HSD3B7: variants seen among roughly 807,000 people sequenced by gnomAD.
HSD3B7 encodes 3 beta-hydroxysteroid dehydrogenase type 7.
HSD3B7 carries 35 observed loss-of-function variants against 34.3 expected under a neutral mutation model. The ratio of observed to expected loss-of-function variants is 1.02; its 90% CI spans 0.78 to 1.35. The LOEUF (loss-of-function observed/expected upper bound fraction) is 1.35. Ranked by LOEUF, HSD3B7 falls within the 40% of genes most tolerant of loss-of-function variation. The pLI is 0.00. For missense variants in HSD3B7, 426 were observed against 504.7 expected, an observed-to-expected ratio of 0.84 and a Z score of 1.49; for synonymous variants, 217 against 220.1, an observed-to-expected ratio of 0.99 and a Z score of 0.13.
intron 6 of HSD3B7, chr16:30,987,340 A>G (rs1334150967): frequency 7.1e-6 from 3 of 423,894 alleles, no homozygotes; most frequent in South Asian, 2.4e-5. Flanking sequence ...CCAGCACTTT[A>G]GGAGGCTGAG....
At chr16:30,987,565 C>T (rs2056501459) in intron 6 of HSD3B7, 1 of 641,368 alleles carries the variant, frequency 1.6e-6, no homozygotes, top group Non-Finnish European at 2.8e-6. Flanking sequence ...TCTATCCTCT[C>T]CCCAGGTTCT....
chr16:30,987,353 G>A (rs1172662125), intron 6 of HSD3B7: 24 of 420,508 alleles, frequency 5.7e-5, no homozygotes, highest in Non-Finnish European at 2.2e-5. Flanking sequence ...AGGCTGAGGC[G>A]GGAGGATGGC....
rs1367508254 is a variant in HSD3B7 at position 30,988,443 on chromosome 16, C to T, written c.*260C>T. On this transcript the variant is annotated 3_prime_UTR_variant, in exon 7 of 7. Coordinates refer to ENST00000297679, the MANE Select transcript of HSD3B7 (RefSeq NM_025193.4). ...AACCTCCTGGGTTCAAGCAATCCTC[C>T]TGCCTCAGCCTCCTGAACAGCTGGG... The T allele has an allele frequency of 4.2e-6, 2 of 475,530 alleles. No homozygotes were observed. Among genetic ancestry groups the T allele is most frequent in the Non-Finnish European group, 7.6e-6 (2 of 261,962 alleles). 29.5% of individuals were successfully genotyped at this position (475,530 alleles called of 1,614,324 possible).
rs147810715 is a variant in HSD3B7, at chr16:30,988,170, G to C, written c.1097G>C (p.Gly366Ala). 473 of 1,599,592 alleles carry C rather than the reference G, an allele frequency of 3.0e-4. No homozygotes were observed. The highest frequency in any genetic ancestry group is 3.8e-4 in the Non-Finnish European group (453 of 1,177,088). The change falls in exon 7 of 7, where the codon GGT becomes GCT. Residue 366 changes from glycine to alanine, a missense_variant. Gly to Ala is a moderately conservative substitution (Grantham distance 60). Transcript: ENST00000297679. ...ATTCTCTGGGTACAGGCCGCTACGGGTTCAGCCCAGTGACGGTGGGGCTGG... is the reference window on the plus strand; with the variant it reads ...ATTCTCTGGGTACAGGCCGCTACGGCTTCAGCCCAGTGACGGTGGGGCTGG... ...RTILWVQAAT[G>A]SAQ
Position 30,988,423 on chromosome 16 carries a change from C to T in HSD3B7, c.*240C>T. ...TCATAGCTCACTGCACCCTCAACCT[C>T]CTGGGTTCAAGCAATCCTCCTGCCT... On this transcript the variant is annotated 3_prime_UTR_variant, in exon 7 of 7. Transcript: ENST00000297679. 1 of 514,654 alleles carries T rather than the reference C, an allele frequency of 1.9e-6. No homozygotes were observed. Among genetic ancestry groups the T allele is most frequent in the Non-Finnish European group, 3.5e-6 (1 of 286,066 alleles). The allele number at this position is 514,654 out of a possible 1,614,324, so 31.9% of individuals were successfully genotyped here. A position where few individuals can be genotyped will look rare whatever the true frequency, so the allele number is the denominator to read the frequency against.
In HSD3B7 at chr16:30,988,480, A is replaced by ACGC; in HGVS notation, c.*299_*301dup. On this transcript the variant is annotated 3_prime_UTR_variant, in exon 7 of 7. Transcript: ENST00000297679. ...CCTGAACAGCTGGGACCACAGGTGC[A>ACGC]CGCCACCACACCTGGCTTTTTTTTG... is the stretch of plus-strand genomic sequence containing the variant. 1 of 364,870 alleles carries ACGC rather than the reference A, an allele frequency of 2.7e-6. No individual in the cohort carries two copies. The highest frequency in any genetic ancestry group is 5.1e-6 in the Non-Finnish European group (1 of 197,848). 22.6% of individuals were successfully genotyped at this position (364,870 alleles called of 1,614,324 possible). A position where few individuals can be genotyped will look rare whatever the true frequency, so the allele number is the denominator to read the frequency against.
chr16:30,986,803 G>A (rs367851050), intron 5 of HSD3B7, 37 bp from the exon 6 acceptor site: 346 of 1,613,620 alleles, frequency 2.1e-4, no homozygotes, highest in East Asian at 7.4e-4. Flanking sequence ...CAAGCTGTCG[G>A]GTCCCAGGTC....
chr16:30,987,344 G>A, intron 6 of HSD3B7: 1 of 424,572 alleles, frequency 2.4e-6, no homozygotes, highest in South Asian at 2.4e-5. Flanking sequence ...CACTTTAGGA[G>A]GCTGAGGCGG....
intron 6 of HSD3B7, chr16:30,987,494 C>A: frequency 3.6e-6 from 2 of 559,652 alleles, no homozygotes; most frequent in African/African-American, 1.9e-5. Context: ...AATAAGGTCA[C>A]CTGCCACTCC....
At position 30,986,014 on chromosome 16, in the gene HSD3B7, C is replaced by T. The variant is rs777575932; in HGVS notation, c.167-35C>T. ...CCCAGCCTCTGGCCTCTGGCCCCAG[C>T]TCTGACATGGCCTGTGTCCTCCAAC... is the stretch of plus-strand genomic sequence containing the variant. On this transcript the variant is annotated intron_variant, in intron 2 of 6. Coordinates refer to ENST00000297679, the MANE Select transcript of HSD3B7 (RefSeq NM_025193.4). 2.5e-6 allele frequency: 4 copies of T among 1,608,866 alleles called. No individual in the cohort carries two copies. The Admixed American group carries it at 5.0e-5, about 20-fold the overall frequency.
chr16:30,985,475 G>GT lies in HSD3B7; in HGVS notation c.-6-177dup, dbSNP rs1567369540. The GT allele has an allele frequency of 2.7e-6, 4 of 1,485,046 alleles. No individual in the cohort carries two copies. The African/African-American group carries it at 5.6e-5, about 21-fold the overall frequency. 92.0% of individuals were successfully genotyped at this position (1,485,046 alleles called of 1,614,324 possible). On this transcript the variant is annotated intron_variant, in intron 1 of 6. Coordinates refer to ENST00000297679, the MANE Select transcript of HSD3B7 (RefSeq NM_025193.4). The stretch of plus-strand genomic sequence containing the variant: ...GCACCCCAAGCCCGCCCCTCTCTCC[G>GT]TAACTCAGCCATCAGCAGGGGCAGA...
In HSD3B7 at chr16:30,985,281, T is replaced by C; in HGVS notation, c.-23T>C. ...CCCCTCCAGGCCAGTCTGGGCACCC[T>C]GGGATAGCGGCTGCAGGTAGGCAGA... On this transcript the variant is annotated 5_prime_UTR_variant, in exon 1 of 7. Coordinates refer to ENST00000297679, the MANE Select transcript of HSD3B7 (RefSeq NM_025193.4). 8.4e-7 allele frequency: 1 copy of C among 1,185,230 alleles called. No individual in the cohort carries two copies. Among genetic ancestry groups the C allele is most frequent in the African/African-American group, 1.6e-5 (1 of 62,918 alleles). 73.4% of individuals were successfully genotyped at this position (1,185,230 alleles called of 1,614,324 possible).
rs144297694 is a variant in HSD3B7 at position 30,988,235 on chromosome 16, G to A, written c.*52G>A. 2.7e-4 allele frequency: 406 copies of A among 1,521,504 alleles called. 9 individuals are homozygous for A. In the African/African-American group the frequency reaches 5.0e-3, roughly 19 times the overall value. 94.3% of individuals were successfully genotyped at this position (1,521,504 alleles called of 1,614,324 possible). A position where few individuals can be genotyped will look rare whatever the true frequency, so the allele number is the denominator to read the frequency against. On this transcript the variant is annotated 3_prime_UTR_variant, in exon 7 of 7. Transcript: ENST00000297679. ...GATACAGCACATCCACCCAGGTCCC[G>A]AGCCCTCACACCCTGGACGGGAAGG...
chr16:30,986,309 G>T, intron 3 of HSD3B7, 105 bp downstream of exon 3: 1 of 1,553,188 alleles, frequency 6.4e-7, no homozygotes, highest in African/African-American at 1.4e-5. Context: ...CCTATTGACA[G>T]CCCTGCCCCC....
chr16:30,986,217 G>A lies in HSD3B7; in HGVS notation c.322+13G>A. 6.2e-7 allele frequency: 1 copy of A among 1,612,690 alleles called. No homozygotes were observed. Among genetic ancestry groups the A allele is most frequent in the Non-Finnish European group, 8.5e-7 (1 of 1,179,426 alleles). ...GTCAACGTGCAGGGTGAGGAGCTCT[G>A]GACACTCCTGGCCATCTTGCCTGTT... On this transcript the variant is annotated intron_variant, in intron 3 of 6. Transcript: ENST00000297679.
intron 1 of HSD3B7, 71 bp downstream of exon 1, chr16:30,985,368 TTCCC>T: frequency 7.6e-7 from 1 of 1,322,022 alleles, no homozygotes; most frequent in Non-Finnish European, 9.7e-7. Context: ...TCCTATAACC[TTCCC>T]TCCACCTCCC....
chr16:30,987,109 A>G, intron 6 of HSD3B7, 107 bp downstream of exon 6: 2 of 1,232,460 alleles, frequency 1.6e-6, no homozygotes, highest in Non-Finnish European at 2.2e-6. Context: ...GACTCTGGCT[A>G]GAAAAATATG....
Position 30,988,441 on chromosome 16 carries a change from T to TC in HSD3B7, c.*260dup. On this transcript the variant is annotated 3_prime_UTR_variant, in exon 7 of 7. Transcript: ENST00000297679. Reference sequence around the variant, plus strand: ...TCAACCTCCTGGGTTCAAGCAATCCTCCTGCCTCAGCCTCCTGAACAGCTG... The same window carrying TC: ...TCAACCTCCTGGGTTCAAGCAATCCTCCCTGCCTCAGCCTCCTGAACAGCTG... 2.1e-6 allele frequency: 1 copy of TC among 478,926 alleles called. No homozygotes were observed. Among genetic ancestry groups the TC allele is most frequent in the Admixed American group, 3.5e-5 (1 of 28,876 alleles). The allele number at this position is 478,926 out of a possible 1,614,324, so 29.7% of individuals were successfully genotyped here. A position where few individuals can be genotyped will look rare whatever the true frequency, so the allele number is the denominator to read the frequency against.
At position 30,988,456 on chromosome 16, in the gene HSD3B7, C is replaced by CTTTTTTAA; in HGVS notation, c.*274_*275insTTTTTAAT. The CTTTTTTAA allele has an allele frequency of 2.2e-6, 1 of 450,376 alleles. No homozygotes were observed. The highest frequency in any genetic ancestry group is 4.0e-6 in the Non-Finnish European group (1 of 247,186). The allele number at this position is 450,376 out of a possible 1,614,324, so 27.9% of individuals were successfully genotyped here. A position where few individuals can be genotyped will look rare whatever the true frequency, so the allele number is the denominator to read the frequency against. ...CAAGCAATCCTCCTGCCTCAGCCTC[C>CTTTTTTAA]TGAACAGCTGGGACCACAGGTGCAC... On this transcript the variant is annotated 3_prime_UTR_variant, in exon 7 of 7. Transcript: ENST00000297679.
Sources: gnomAD v4.1 joint callset for allele counts on GRCh38, gnomAD v4.1.1 for gene constraint, MANE v1.5 for transcripts, NCBI Gene and HGNC (gene_info 2026-07-23, HGNC 2026-07-21) for gene names.